Variants in LRBA observed in about 807,000 individuals in gnomAD.
The protein encoded by LRBA is LPS responsive beige-like anchor protein, also known as lipopolysaccharide-responsive and beige-like anchor protein.
A neutral mutation model predicts 330.0 loss-of-function variants in LRBA; 176 were observed. The ratio of observed to expected loss-of-function variants is 0.53; its 90% CI spans 0.47 to 0.60. The LOEUF (loss-of-function observed/expected upper bound fraction) is 0.60, where lower values mean the gene tolerates loss of function less well. Among genes scored for constraint, LRBA ranks in the 20% least tolerant of loss-of-function variants. The pLI, the probability that LRBA is intolerant of heterozygous loss-of-function variation, is 0.00. For missense variants in LRBA, 3,259 were observed against 3,444.8 expected, an observed-to-expected ratio of 0.95 and a Z score of 1.35; for synonymous variants, 1,230 against 1,193.0, an observed-to-expected ratio of 1.03 and a Z score of -0.64.
At chr4:150,534,280 T>A (rs1430096348) in intron 40 of LRBA, among the ~76,000 whole-genome samples, 1 of 150,218 alleles carries the variant, frequency 6.7e-6, no homozygotes, top group Admixed American at 6.7e-5. Flanking sequence ...TTAAGACTTT[T>A]TAGTTGTATA....
rs1784722227 is a variant in LRBA, at chr4:150,697,327, A to AAAAAAAAAAC, written c.5755-13611_5755-13610insGTTTTTTTTT. ...TGACAGAGTGAGACTTTGTCTCAGAAAAAAAAAAAAAAAAAAAAAAAAAAC... is the reference window on the plus strand; with the variant it reads ...TGACAGAGTGAGACTTTGTCTCAGAAAAAAAAAAACAAAAAAAAAAAAAAAAAAAAAAAAC... On this transcript the variant is annotated intron_variant, in intron 36 of 56. Coordinates refer to ENST00000651943, the MANE Select transcript of LRBA (RefSeq NM_001364905.1). 6.0e-5 allele frequency among the ~76,000 whole-genome samples: 8 copies of AAAAAAAAAAC among 132,260 alleles called. 1 individual carries two copies. The highest frequency in any genetic ancestry group is 2.3e-4 in the South Asian group (1 of 4,366). The allele number at this position is 132,260 out of a possible 152,430, so 86.8% of individuals were successfully genotyped here.
chr4:150,838,302 A>G (rs60420967), intron 28 of LRBA, among the ~76,000 whole-genome samples: 19,858 of 151,716 alleles, frequency 0.13, 2,773 homozygotes, highest in African/African-American at 0.36. Context: ...TATGTTTGTG[A>G]TGTTCTCTGT....
intron 2 of LRBA, among the ~76,000 whole-genome samples, chr4:150,945,562 TTG>T (rs1736149145): frequency 6.6e-6 from 1 of 152,224 alleles, no homozygotes; most frequent in Non-Finnish European, 1.5e-5. Flanking sequence ...AACATATTGC[TTG>T]GTTTCAGCTA....
At chr4:150,896,643 G>A (rs1014185244) in intron 15 of LRBA, among the ~76,000 whole-genome samples, 187 bp from the exon 16 acceptor site, 1 of 151,952 alleles carries the variant, frequency 6.6e-6, no homozygotes. Context: ...AACATGTAGA[G>A]GTCAATTAAC....
chr4:150,909,700 A>G (rs1438404255), intron 9 of LRBA, among the ~76,000 whole-genome samples: 1 of 152,182 alleles, frequency 6.6e-6, no homozygotes, highest in Non-Finnish European at 1.5e-5. Context: ...ACTGGATCAC[A>G]TGGAAGTTCT....
chr4:150,318,339 T>A (rs983913049), intron 50 of LRBA, among the ~76,000 whole-genome samples: 4 of 152,172 alleles, frequency 2.6e-5, no homozygotes, highest in African/African-American at 9.7e-5. Flanking sequence ...GGTTAAAGAT[T>A]ATTTATTTTC....
chr4:150,959,887 T>C (rs975739191), intron 2 of LRBA, among the ~76,000 whole-genome samples: 1 of 146,322 alleles, frequency 6.8e-6, no homozygotes. Flanking sequence ...TACATAAATA[T>C]ATAAAGTGTG....
intron 39 of LRBA, among the ~76,000 whole-genome samples, chr4:150,590,025 T>C (rs1243005593): frequency 6.6e-6 from 1 of 152,198 alleles, no homozygotes; most frequent in African/African-American, 2.4e-5. Flanking sequence ...CTTAAAATTA[T>C]CAAAATGGAA....
At chr4:150,535,244 C>T (rs1409301352) in intron 40 of LRBA, among the ~76,000 whole-genome samples, 2 of 152,054 alleles carry the variant, frequency 1.3e-5, no homozygotes, top group Non-Finnish European at 2.9e-5. Flanking sequence ...AGTGATACTC[C>T]CACCTCAGAC....
At chr4:150,849,340 C>T in intron 25 of LRBA, 82 bp downstream of exon 25, 1 of 1,242,470 alleles carries the variant, frequency 8.0e-7, no homozygotes, top group Non-Finnish European at 1.2e-6. Flanking sequence ...TGCATAGTAA[C>T]CACCACATTT....
intron 40 of LRBA, among the ~76,000 whole-genome samples, chr4:150,511,928 T>C (rs1279664642): frequency 6.6e-6 from 1 of 152,182 alleles, no homozygotes; most frequent in African/African-American, 2.4e-5. Flanking sequence ...CTCTGACTTC[T>C]CAAACAGATG....
At chr4:150,505,973 C>T (rs539180456) in intron 40 of LRBA, among the ~76,000 whole-genome samples, 1 of 152,292 alleles carries the variant, frequency 6.6e-6, no homozygotes, top group African/African-American at 2.4e-5. Context: ...ACTAGAAAAT[C>T]TAGAAGACAT....
rs374444855 is a variant in LRBA, at chr4:150,999,216, T to C, written c.216+15211A>G. On this transcript the variant is annotated intron_variant, in intron 2 of 56. Coordinates refer to ENST00000651943, the MANE Select transcript of LRBA (RefSeq NM_001364905.1). ...GAAGAGGCAAGAAAGAGGAAGCTAGTACTAGGGGGCTTGAATTTTATTTCC... is the reference window on the plus strand; with the variant it reads ...GAAGAGGCAAGAAAGAGGAAGCTAGCACTAGGGGGCTTGAATTTTATTTCC... Among the ~76,000 whole-genome samples, 583 of 152,210 alleles carry C rather than the reference T, an allele frequency of 3.8e-3. 8 individuals are homozygous for C. The highest frequency in any genetic ancestry group is 0.022 in the South Asian group (105 of 4,818).
intron 40 of LRBA, among the ~76,000 whole-genome samples, chr4:150,507,423 G>T (rs1207964775): frequency 1.3e-5 from 2 of 151,874 alleles, no homozygotes; most frequent in Non-Finnish European, 2.9e-5. Flanking sequence ...AAATAATGCC[G>T]CATATCTACA....
At chr4:150,551,085 C>A (rs1766525992) in intron 40 of LRBA, among the ~76,000 whole-genome samples, 1 of 152,076 alleles carries the variant, frequency 6.6e-6, no homozygotes, top group Non-Finnish European at 1.5e-5. Context: ...TGTTAATTAT[C>A]ACAAGAGTGA....
At chr4:150,892,657 T>A (rs1229218514) in intron 17 of LRBA, among the ~76,000 whole-genome samples, 2 of 152,198 alleles carry the variant, frequency 1.3e-5, no homozygotes, top group Non-Finnish European at 2.9e-5. Flanking sequence ...CAATGTTGAG[T>A]CAGAAGTGGG....
Position 150,947,985 on chromosome 4 carries a change from G to A in LRBA, c.217-18920C>T, listed in dbSNP as rs193140009. Among the ~76,000 whole-genome samples the A allele has an allele frequency of 4.3e-4, 65 of 152,062 alleles. No homozygotes were observed. In the East Asian group the frequency reaches 0.012, roughly 28 times the overall value. On this transcript the variant is annotated intron_variant, in intron 2 of 56. Coordinates refer to ENST00000651943, the MANE Select transcript of LRBA (RefSeq NM_001364905.1). ...ATGCTGAAAACAATAATATGATGAT[G>A]AAAGAAATCAAAGAAGATCTAAATA...
intron 40 of LRBA, among the ~76,000 whole-genome samples, chr4:150,522,916 TG>T: frequency 6.6e-6 from 1 of 152,116 alleles, no homozygotes; most frequent in Non-Finnish European, 1.5e-5. Flanking sequence ...AGTAGAGCCA[TG>T]GGGTTGGGAC....
At chr4:150,346,724 A>C (rs575408098) in intron 48 of LRBA, among the ~76,000 whole-genome samples, 2 of 132,306 alleles carry the variant, frequency 1.5e-5, no homozygotes, top group South Asian at 2.6e-4. Context: ...ACACCATTGC[A>C]CTCCAGCCTG....
Sources: allele counts gnomAD v4.1 joint callset (sites outside exome capture counted in the v4.1 genomes callset), GRCh38; gene constraint gnomAD v4.1.1; transcripts MANE v1.5; gene names NCBI Gene and HGNC (gene_info 2026-07-23, HGNC 2026-07-21).